The following FRMD5 variants were observed in gnomAD, a reference collection of about 807,000 sequenced individuals.
The protein encoded by FRMD5 is FERM domain containing 5.
A neutral mutation model predicts 69.0 loss-of-function variants in FRMD5; 20 were observed. That is an observed-to-expected ratio of 0.29 (90% CI 0.20 to 0.42). FRMD5 has a LOEUF of 0.42. Ranked by LOEUF, FRMD5 falls within the 10% of genes least tolerant of loss-of-function variation. The probability of loss-of-function intolerance (pLI) is 1.00; values close to 1 mark genes in which losing one functional copy is unlikely to be tolerated. For synonymous variants in FRMD5, 271 were observed against 260.1 expected, an observed-to-expected ratio of 1.04 and a Z score of -0.40; for missense variants, 595 against 708.6, an observed-to-expected ratio of 0.84 and a Z score of 1.82.
intron 13 of FRMD5, among the ~76,000 whole-genome samples, chr15:43,882,589 C>T (rs1035686881): frequency 6.6e-6 from 1 of 151,362 alleles, no homozygotes; most frequent in African/African-American, 2.4e-5. Context: ...AAACTACTGA[C>T]CTTAGGTGAT....
intron 1 of FRMD5, among the ~76,000 whole-genome samples, chr15:44,175,645 T>C (rs1001110332): frequency 2.0e-5 from 3 of 152,146 alleles, no homozygotes; most frequent in African/African-American, 2.4e-5. Context: ...CCTATATTTA[T>C]ATAAAAACCT....
chr15:44,106,506 C>G (rs887324249), intron 1 of FRMD5, among the ~76,000 whole-genome samples: 1 of 152,128 alleles, frequency 6.6e-6, no homozygotes, highest in Non-Finnish European at 1.5e-5. Flanking sequence ...TAGAAGGCCT[C>G]CTACAACCAT....
In FRMD5 at chr15:43,983,778, C is replaced by A. The variant is rs145323762; in HGVS notation, c.103-59469G>T. On this transcript the variant is annotated intron_variant, in intron 1 of 13. Transcript: ENST00000417257. ...GCAGGAGAGTACTAAGGTCCTCCCCCCATCCACCGTCTCCACCTCTGGCTC... is the reference window on the plus strand; with the variant it reads ...GCAGGAGAGTACTAAGGTCCTCCCCACATCCACCGTCTCCACCTCTGGCTC... 6.5e-3 allele frequency among the ~76,000 whole-genome samples: 983 copies of A among 152,274 alleles called. 5 individuals carry two copies. Among genetic ancestry groups the A allele is most frequent in the South Asian group, 0.019 (91 of 4,822 alleles).
intron 1 of FRMD5, among the ~76,000 whole-genome samples, chr15:44,155,596 T>C (rs2077514387): frequency 6.6e-6 from 1 of 151,942 alleles, no homozygotes; most frequent in Admixed American, 6.6e-5. Context: ...CCCAAATATA[T>C]ATATACATTT....
intron 1 of FRMD5, among the ~76,000 whole-genome samples, chr15:44,147,495 T>C (rs777517789): frequency 6.6e-6 from 1 of 152,194 alleles, no homozygotes; most frequent in Non-Finnish European, 1.5e-5. Context: ...AAGTAGTTTT[T>C]CCTAATTCTG....
chr15:44,091,949 A>G (rs1437783725), intron 1 of FRMD5, among the ~76,000 whole-genome samples: 1 of 152,156 alleles, frequency 6.6e-6, no homozygotes, highest in East Asian at 1.9e-4. Context: ...GACATCCTAC[A>G]TGAAATATAA....
intron 1 of FRMD5, among the ~76,000 whole-genome samples, chr15:44,077,820 T>C (rs1183437637): frequency 1.3e-5 from 2 of 152,110 alleles, no homozygotes; most frequent in Non-Finnish European, 2.9e-5. Flanking sequence ...ACATCTGCTA[T>C]GGAAAGTAAC....
intron 1 of FRMD5, among the ~76,000 whole-genome samples, chr15:43,941,390 C>T (rs537306042): frequency 6.6e-6 from 1 of 152,324 alleles, no homozygotes; most frequent in East Asian, 1.9e-4. Context: ...GCTAGCACTA[C>T]AGGTGGGTGT....
intron 7 of FRMD5, among the ~76,000 whole-genome samples, chr15:43,898,183 A>G (rs1004274767): frequency 2.6e-5 from 4 of 152,172 alleles, no homozygotes; most frequent in Non-Finnish European, 5.9e-5. Flanking sequence ...ATCTCTCCAG[A>G]GGGAAGACCA....
intron 1 of FRMD5, among the ~76,000 whole-genome samples, chr15:44,147,574 A>T (rs150474616): frequency 1.3e-5 from 2 of 152,308 alleles, no homozygotes; most frequent in African/African-American, 4.8e-5. Flanking sequence ...CAGTATGGCC[A>T]TTAAGTTGAA....
chr15:43,933,937 G>A (rs553063191), intron 1 of FRMD5, among the ~76,000 whole-genome samples: 18 of 152,340 alleles, frequency 1.2e-4, no homozygotes, highest in African/African-American at 4.3e-4. Flanking sequence ...TCTGCTGTCA[G>A]TGACAGGGAG....
intron 1 of FRMD5, among the ~76,000 whole-genome samples, chr15:44,094,345 C>G (rs1385283033): frequency 2.0e-5 from 3 of 152,196 alleles, no homozygotes; most frequent in Non-Finnish European, 4.4e-5. Context: ...ATTCCAGTCT[C>G]TCTCTGAGGC....
intron 4 of FRMD5, among the ~76,000 whole-genome samples, chr15:43,912,076 C>G (rs1445517821): frequency 3.9e-5 from 6 of 152,102 alleles, no homozygotes; most frequent in Admixed American, 3.9e-4. Flanking sequence ...ATAGGCCCAT[C>G]CTACACTTCC....
chr15:43,907,697 G>A (rs1360298051), intron 5 of FRMD5, among the ~76,000 whole-genome samples: 1 of 152,064 alleles, frequency 6.6e-6, no homozygotes, highest in Non-Finnish European at 1.5e-5. Flanking sequence ...TAGGAGAGAC[G>A]GGGTTTCACC....
intron 3 of FRMD5, 71 bp downstream of exon 3, chr15:43,919,696 G>C: frequency 2.0e-6 from 3 of 1,508,478 alleles, no homozygotes. Flanking sequence ...ATCAAAACTT[G>C]AGATAAGTGG....
At chr15:44,032,313 T>A (rs1403826309) in intron 1 of FRMD5, among the ~76,000 whole-genome samples, 1 of 152,082 alleles carries the variant, frequency 6.6e-6, no homozygotes, top group Non-Finnish European at 1.5e-5. Context: ...ATGACAAAGA[T>A]GCCAAAAGCA....
At chr15:44,155,537 C>G (rs1016844731) in intron 1 of FRMD5, among the ~76,000 whole-genome samples, 2 of 151,988 alleles carry the variant, frequency 1.3e-5, no homozygotes, top group African/African-American at 4.8e-5. Context: ...AACTCCATTC[C>G]TTTATCAAAA....
chr15:43,974,756 T>TAA (rs1157931713), intron 1 of FRMD5, among the ~76,000 whole-genome samples: 1 of 152,238 alleles, frequency 6.6e-6, no homozygotes, highest in Non-Finnish European at 1.5e-5. Flanking sequence ...CTCTCTGACT[T>TAA]AGACATCACA....
chr15:43,962,379 C>A (rs1443506899), intron 1 of FRMD5, among the ~76,000 whole-genome samples: 4 of 152,176 alleles, frequency 2.6e-5, no homozygotes, highest in Non-Finnish European at 4.4e-5. Flanking sequence ...AGGAGAACTA[C>A]AAACCACTGT....
Sources: allele counts gnomAD v4.1 joint callset (sites outside exome capture counted in the v4.1 genomes callset), GRCh38; gene constraint gnomAD v4.1.1; transcripts MANE v1.5; gene names NCBI Gene and HGNC (gene_info 2026-07-23, HGNC 2026-07-21).